ABAT: variants seen among roughly 807,000 people sequenced by gnomAD.
ABAT encodes the protein 4-aminobutyrate aminotransferase, mitochondrial.
A neutral mutation model predicts 64.6 loss-of-function variants in ABAT; 45 were observed. That is an observed-to-expected ratio of 0.70 (90% confidence interval 0.55 to 0.89). ABAT has a LOEUF of 0.89. ABAT is among the 40% of genes least tolerant of loss of function. The pLI is 0.00. For missense variants in ABAT, 633 were observed against 658.4 expected, an observed-to-expected ratio of 0.96 and a Z score of 0.42; for synonymous variants, 297 against 250.5, an observed-to-expected ratio of 1.19 and a Z score of -1.75.
At chr16:8,763,866 T>G (rs533899556) in intron 6 of ABAT, among the ~76,000 whole-genome samples, 3 of 152,218 alleles carry the variant, frequency 2.0e-5, no homozygotes, top group Non-Finnish European at 2.9e-5. Flanking sequence ...ACACTGACCC[T>G]TTTTTAAAAC....
rs1395561695 is a variant in ABAT, at chr16:8,781,420, A to C, written c.1493A>C (p.Asp498Ala). Residue 498 changes from aspartate to alanine, a missense_variant, in exon 16 of 16, where the codon GAC becomes GCC. Asp to Ala is a moderately radical substitution (Grantham distance 126). Transcript: ENST00000268251. This position sits in a 1 kb window ranked among gnomAD's most constrained non-coding sequence, Gnocchi z 4.5. ...AATATTTTCAGTGACATCTTAGCAG[A>C]CTTCAAGTAAAGAAGCCATTTCCAC... ...FLNIFSDILA[D>A]FK 3 of 1,614,220 alleles carry C rather than the reference A, an allele frequency of 1.9e-6. No homozygotes were observed. The South Asian group carries it at 3.3e-5, about 18-fold the overall frequency.
intron 6 of ABAT, among the ~76,000 whole-genome samples, chr16:8,759,750 C>T (rs1596461361): frequency 1.3e-5 from 2 of 152,094 alleles, no homozygotes; most frequent in East Asian, 1.9e-4. Flanking sequence ...CACCATGTTG[C>T]CCAGGCTGGT....
chr16:8,778,210 T>TA (rs1413829365), intron 14 of ABAT, among the ~76,000 whole-genome samples: 1 of 152,144 alleles, frequency 6.6e-6, no homozygotes, highest in African/African-American at 2.4e-5. Context: ...TTGTCTGCTG[T>TA]AAAAAATCAC....
intron 1 of ABAT, among the ~76,000 whole-genome samples, chr16:8,677,983 C>T (rs1004594507): frequency 1.3e-5 from 2 of 151,600 alleles, no homozygotes; most frequent in South Asian, 2.1e-4. Flanking sequence ...TGCTTGAGCC[C>T]GGGGAGGTCG....
At chr16:8,771,447 T>G (rs1274604531) in intron 11 of ABAT, among the ~76,000 whole-genome samples, 2 of 146,066 alleles carry the variant, frequency 1.4e-5, no homozygotes, top group Non-Finnish European at 3.0e-5. Flanking sequence ...TATCTAGGTG[T>G]ACGGTTTAGG....
chr16:8,694,667 C>T (rs563235164), intron 1 of ABAT, among the ~76,000 whole-genome samples: 1 of 152,282 alleles, frequency 6.6e-6, no homozygotes, highest in South Asian at 2.1e-4. Context: ...CATGAGCCAC[C>T]GCACCTGGGG....
chr16:8,713,944 AGTGTCTGTCAGTGCCT>A (rs1318230278), intron 1 of ABAT: 1 of 455,618 alleles, frequency 2.2e-6, no homozygotes, highest in African/African-American at 2.0e-5. Context: ...AGGTGGTGCC[AGTGTCTGTCAGTGCCT>A]GTTATCTGTG....
chr16:8,700,762 A>G (rs2057803762), intron 1 of ABAT, among the ~76,000 whole-genome samples: 1 of 151,974 alleles, frequency 6.6e-6, no homozygotes. Context: ...CACCTGGCGC[A>G]TTTTAAAACA....
intron 15 of ABAT, among the ~76,000 whole-genome samples, chr16:8,780,010 AG>A (rs1169772350): frequency 2.0e-5 from 3 of 152,366 alleles, no homozygotes; most frequent in African/African-American, 7.2e-5. Context: ...GTAGGAAATC[AG>A]GGCAGGCTCC....
intron 2 of ABAT, among the ~76,000 whole-genome samples, chr16:8,740,925 C>T (rs150257683): frequency 2.9e-4 from 44 of 152,318 alleles, no homozygotes; most frequent in Non-Finnish European, 6.2e-4. Flanking sequence ...CAAACAACTC[C>T]AGTTGGACTT....
chr16:8,676,372 G>A, intron 1 of ABAT, among the ~76,000 whole-genome samples: 1 of 152,054 alleles, frequency 6.6e-6, no homozygotes, highest in Admixed American at 6.6e-5. Flanking sequence ...CCCTTAAGGT[G>A]CTAGGATCCC....
chr16:8,769,904 C>T (rs2060055016), intron 11 of ABAT, among the ~76,000 whole-genome samples: 1 of 152,118 alleles, frequency 6.6e-6, no homozygotes. Context: ...TTAGGCACAT[C>T]ATCATTTTCA....
At chr16:8,718,792 A>C (rs1322735730) in intron 1 of ABAT, among the ~76,000 whole-genome samples, 1 of 152,188 alleles carries the variant, frequency 6.6e-6, no homozygotes, top group East Asian at 1.9e-4. Flanking sequence ...TCATTCGTAA[A>C]ATCAGAGCAG....
At chr16:8,700,986 G>GC (rs1348907856) in intron 1 of ABAT, among the ~76,000 whole-genome samples, 1 of 147,550 alleles carries the variant, frequency 6.8e-6, no homozygotes, top group Non-Finnish European at 1.5e-5. Context: ...CACTCAGGCT[G>GC]CAGTGCAGTG....
chr16:8,694,865 A>G (rs537076628), intron 1 of ABAT, among the ~76,000 whole-genome samples: 5 of 152,338 alleles, frequency 3.3e-5, no homozygotes, highest in African/African-American at 4.8e-5. Context: ...GCACGGGAGA[A>G]GGAAGGCAGG....
intron 2 of ABAT, among the ~76,000 whole-genome samples, chr16:8,738,053 G>T (rs2059034194): frequency 6.7e-6 from 1 of 149,574 alleles, no homozygotes; most frequent in Non-Finnish European, 1.5e-5. Flanking sequence ...CAAGACAGTG[G>T]CTCACAGCTG....
chr16:8,772,699 TCATCGAAC>T (rs1435111461), intron 11 of ABAT, 73 bp from the exon 12 acceptor site: 1 of 1,581,236 alleles, frequency 6.3e-7, no homozygotes, highest in Admixed American at 1.7e-5. Context: ...TGCATGGGGC[TCATCGAAC>T]CCCAGATTCC....
intron 1 of ABAT, among the ~76,000 whole-genome samples, chr16:8,734,012 A>T (rs2058838421): frequency 6.6e-6 from 1 of 152,180 alleles, no homozygotes; most frequent in Non-Finnish European, 1.5e-5. Context: ...CTGTGGATAC[A>T]GCATATTTTT....
chr16:8,726,272 T>G (rs2058551268), intron 1 of ABAT, among the ~76,000 whole-genome samples: 1 of 147,432 alleles, frequency 6.8e-6, no homozygotes, highest in African/African-American at 2.5e-5. Context: ...CTTTTTTTTT[T>G]TTTTTTGAGA....
Sources: gnomAD v4.1 joint callset for allele counts (sites outside exome capture counted in the v4.1 genomes callset) on GRCh38, gnomAD v4.1.1 for gene constraint, Gnocchi (gnomAD v3.1) non-coding constraint, MANE v1.5 for transcripts, NCBI Gene and HGNC (gene_info 2026-07-23, HGNC 2026-07-21) for gene names.